The following ARHGEF18 variants were observed in gnomAD, a reference collection of about 807,000 sequenced individuals.
ARHGEF18 encodes Rho/Rac guanine nucleotide exchange factor 18, also known as rho guanine nucleotide exchange factor 18.
ARHGEF18 carries 93 observed loss-of-function variants against 155.7 expected under a neutral mutation model. That is an observed-to-expected ratio of 0.60 (90% CI 0.50 to 0.71). ARHGEF18 has a LOEUF of 0.71. Among genes scored for constraint, ARHGEF18 ranks in the 30% least tolerant of loss-of-function variants. The probability of loss-of-function intolerance (pLI) is 0.00; values close to 1 mark genes in which losing one functional copy is unlikely to be tolerated. For synonymous variants in ARHGEF18, 742 were observed against 753.1 expected (o/e 0.99, Z 0.24); for missense variants, 1,593 against 1,816.1 (o/e 0.88, Z 2.23).
chr19:7,385,819 A>ATCTCTCTCTCTCTC (rs1252967510), intron 10 of ARHGEF18, among the ~76,000 whole-genome samples: 3 of 89,328 alleles, frequency 3.4e-5, no homozygotes, highest in African/African-American at 1.9e-4. Flanking sequence ...TAGAGATAGG[A>ATCTCTCTCTCTCTC]TCTATCTCTC....
chr19:7,412,294 C>T (rs1230413306), intron 10 of ARHGEF18, among the ~76,000 whole-genome samples: 5 of 145,368 alleles, frequency 3.4e-5, no homozygotes, highest in Admixed American at 2.2e-4. Context: ...GGATTAGAGG[C>T]GTGAGCCACC....
At chr19:7,374,083 C>G (rs2145408203) in intron 3 of ARHGEF18, among the ~76,000 whole-genome samples, 1 of 152,132 alleles carries the variant, frequency 6.6e-6, no homozygotes, top group Non-Finnish European at 1.5e-5. Context: ...TAATCTAATG[C>G]TGCCACTCAT....
chr19:7,418,986 C>T (rs1187686217), intron 10 of ARHGEF18, among the ~76,000 whole-genome samples: 1 of 151,936 alleles, frequency 6.6e-6, no homozygotes, highest in Non-Finnish European at 1.5e-5. Context: ...AGCCCCCCAG[C>T]AGCCCCTCAC....
intron 10 of ARHGEF18, among the ~76,000 whole-genome samples, chr19:7,408,021 G>A (rs545719533): frequency 3.4e-5 from 5 of 146,746 alleles, no homozygotes; most frequent in African/African-American, 1.2e-4. Flanking sequence ...GCTCACGCCT[G>A]TAATCTCAGC....
chr19:7,379,312 A>T, intron 7 of ARHGEF18, 146 bp downstream of exon 7: 1 of 694,294 alleles, frequency 1.4e-6, no homozygotes, highest in Non-Finnish European at 1.9e-6. Context: ...TAATCCCAGC[A>T]CTTTGGGAGG....
intron 10 of ARHGEF18, among the ~76,000 whole-genome samples, chr19:7,417,490 G>A (rs1306114866): frequency 6.6e-6 from 1 of 152,170 alleles, no homozygotes; most frequent in Non-Finnish European, 1.5e-5. Context: ...TTGAAGTGAG[G>A]AGTTGGAGAG....
intron 10 of ARHGEF18, among the ~76,000 whole-genome samples, chr19:7,396,570 C>T (rs569184356): frequency 2.2e-4 from 33 of 152,174 alleles, no homozygotes; most frequent in Admixed American, 7.9e-4. Flanking sequence ...CAAAAATTAG[C>T]CGGGCATGGT....
intron 10 of ARHGEF18, among the ~76,000 whole-genome samples, chr19:7,438,229 T>C (rs1974397108): frequency 1.3e-5 from 2 of 151,186 alleles, no homozygotes; most frequent in South Asian, 2.1e-4. Flanking sequence ...GCCTCCCGAG[T>C]AGCTGAGACT....
intron 10 of ARHGEF18, among the ~76,000 whole-genome samples, chr19:7,428,054 T>C (rs1449850614): frequency 6.6e-6 from 1 of 152,074 alleles, no homozygotes; most frequent in African/African-American, 2.4e-5. Flanking sequence ...GTACAGAACT[T>C]AAATAAACAG....
chr19:7,441,371 G>T (rs1974634910), intron 11 of ARHGEF18, among the ~76,000 whole-genome samples: 1 of 151,926 alleles, frequency 6.6e-6, no homozygotes, highest in African/African-American at 2.4e-5. Context: ...GCAGAGACGG[G>T]ATTTTGCCAT....
intron 10 of ARHGEF18, among the ~76,000 whole-genome samples, chr19:7,401,151 G>A (rs2434444): frequency 0.2 from 29,974 of 152,136 alleles, 3,605 homozygotes; most frequent in Non-Finnish European, 0.26. Flanking sequence ...TAGAGCAAAG[G>A]ATTTCAGCAT....
At chr19:7,423,558 G>T (rs989983779) in intron 10 of ARHGEF18, among the ~76,000 whole-genome samples, 2 of 151,896 alleles carry the variant, frequency 1.3e-5, no homozygotes, top group African/African-American at 4.8e-5. Context: ...AAAATTAGCC[G>T]GGCGTGGTAA....
chr19:7,470,379 A>G lies in ARHGEF18; in HGVS notation c.*81A>G, dbSNP rs1285847649. 21 of 1,264,774 alleles carry G rather than the reference A, an allele frequency of 1.7e-5. No individual in the cohort carries two copies. The highest frequency in any genetic ancestry group is 1.7e-5 in the Non-Finnish European group (17 of 989,926). The allele number at this position is 1,264,774 out of a possible 1,614,324, so 78.3% of individuals were successfully genotyped here. A position where few individuals can be genotyped will look rare whatever the true frequency, so the allele number is the denominator to read the frequency against. On this transcript the variant is annotated 3_prime_UTR_variant, in exon 29 of 29. Coordinates refer to ENST00000668164, the MANE Select transcript of ARHGEF18 (RefSeq NM_001367823.1). The surrounding 1 kb of genome is among the most constrained non-coding windows in gnomAD (Gnocchi z 5.9). ...CTCTGGGGACCCCCATGGGGTCACC[A>G]TGCCCACCCAGCTGTCCCCTCCTCT... is the stretch of plus-strand genomic sequence containing the variant.
At chr19:7,394,236 C>T (rs550361133) in intron 10 of ARHGEF18, among the ~76,000 whole-genome samples, 68 of 152,032 alleles carry the variant, frequency 4.5e-4, no homozygotes, top group Non-Finnish European at 7.9e-4. Flanking sequence ...CACAGGCAGG[C>T]GCCTCCATGC....
chr19:7,478,913 GGCTA>G, the ARHGEF18 span, among the ~76,000 whole-genome samples: 1 of 152,158 alleles, frequency 6.6e-6, no homozygotes, highest in African/African-American at 2.4e-5. Flanking sequence ...CTGAGGAAGG[GGCTA>G]CCCAGTGGGC....
chr19:7,478,521 C>A, the ARHGEF18 span: 24 of 824,872 alleles, frequency 2.9e-5, no homozygotes, highest in Middle Eastern at 8.5e-4. Flanking sequence ...CAGTCCCACA[C>A]CCTCCTGGCT....
chr19:7,375,187 G>A (rs184423018), intron 3 of ARHGEF18, among the ~76,000 whole-genome samples: 2 of 150,960 alleles, frequency 1.3e-5, no homozygotes, highest in Admixed American at 1.3e-4. Flanking sequence ...GAGGAGAATC[G>A]TTTGAACCTG....
intron 10 of ARHGEF18, among the ~76,000 whole-genome samples, chr19:7,411,276 CTT>C (rs1436658432): frequency 1.8e-5 from 2 of 110,556 alleles, no homozygotes; most frequent in African/African-American, 5.8e-5. Context: ...TCCCCTTCCC[CTT>C]TCCCTTTCCC....
At chr19:7,367,756 A>T (rs36157475) in intron 2 of ARHGEF18, among the ~76,000 whole-genome samples, 3,963 of 104,974 alleles carry the variant, frequency 0.038, 424 homozygotes, top group Middle Eastern at 0.077. Flanking sequence ...CAAAAAAAAA[A>T]AAATATATAT....
Sources: allele counts gnomAD v4.1 joint callset (sites outside exome capture counted in the v4.1 genomes callset), GRCh38; gene constraint gnomAD v4.1.1; non-coding constraint Gnocchi (gnomAD v3.1); transcripts MANE v1.5; gene names NCBI Gene and HGNC (gene_info 2026-07-23, HGNC 2026-07-21).